Variants in ASDURF observed in about 807,000 individuals in gnomAD.
ASDURF encodes the protein ASNSD1 upstream open reading frame, also known as ASDURF protein.
ASDURF carries 3 observed loss-of-function variants against 3.3 expected under a neutral mutation model. The ratio of observed to expected loss-of-function variants is 0.92; its 90% CI spans 0.42 to 2.37. The LOEUF is 2.37. Ranked by LOEUF, ASDURF falls within the 30% of genes most tolerant of loss-of-function variation. ASDURF has a pLI of 0.05. For synonymous variants in ASDURF, 11 were observed against 8.3 expected (o/e 1.32, Z -0.55); for missense variants, 23 against 25.4 (o/e 0.90, Z 0.21).
chr2:189,665,478 T>C (rs1446457594), intron 3 of ASDURF, 27 bp downstream of exon 3: 13 of 396,006 alleles, frequency 3.3e-5, no homozygotes, highest in Non-Finnish European at 4.4e-5. Flanking sequence ...TTGGGGTTTT[T>C]GGGGGGTGCC....
At chr2:189,662,911 T>C (rs1351620901) in intron 1 of ASDURF, among the ~76,000 whole-genome samples, 2 of 135,104 alleles carry the variant, frequency 1.5e-5, no homozygotes, top group African/African-American at 5.7e-5. Context: ...ATCGCACCAC[T>C]GCACTCCAGC....
At chr2:189,662,663 G>A (rs1204045241) in intron 1 of ASDURF, among the ~76,000 whole-genome samples, 1 of 152,098 alleles carries the variant, frequency 6.6e-6, no homozygotes, top group African/African-American at 2.4e-5. Context: ...GTGTGTGTGA[G>A]GTAGCACAAA....
At chr2:189,665,595 T>C (rs2032769513) in intron 3 of ASDURF, 144 bp downstream of exon 3, 2 of 10,396 alleles carry the variant, frequency 1.9e-4, no homozygotes, top group African/African-American at 2.7e-4. Context: ...TATATATATA[T>C]GTGTATATAT....
intron 2 of ASDURF, 69 bp downstream of exon 2, chr2:189,664,023 TAAG>T (rs2032732159): frequency 2.7e-6 from 1 of 365,472 alleles, no homozygotes; most frequent in African/African-American, 2.1e-5. Context: ...ATTAAAGTTA[TAAG>T]AAGTATATAT....
At chr2:189,665,006 A>G (rs1053473421) in intron 2 of ASDURF, among the ~76,000 whole-genome samples, 7 of 152,314 alleles carry the variant, frequency 4.6e-5, no homozygotes, top group Middle Eastern at 3.4e-3. Context: ...AAACTGTAAT[A>G]TATTATATCT....
rs990000625 is a variant in ASDURF at position 189,663,960 on chromosome 2, T to C, written c.144+6T>C. The stretch of plus-strand genomic sequence containing the variant: ...CTAACCTTAAGAAGAATAGGGTGAG[T>C]TATTATAGGAATTCTGAATAATATG... On this transcript the variant is annotated splice_donor_region_variant and intron_variant, in intron 2 of 3. Transcript: ENST00000607829. 7.7e-6 allele frequency: 3 copies of C among 387,732 alleles called. No individual in the cohort carries two copies. In the East Asian group the frequency reaches 1.1e-4, roughly 14 times the overall value. 24.0% of individuals were successfully genotyped at this position (387,732 alleles called of 1,614,324 possible). A position where few individuals can be genotyped will look rare whatever the true frequency, so the allele number is the denominator to read the frequency against.
intron 3 of ASDURF, 145 bp downstream of exon 3, chr2:189,665,596 G>GTATATACATATATATATA (rs71023704): frequency 1.8e-5 from 2 of 111,486 alleles, no homozygotes; most frequent in African/African-American, 7.9e-5. Context: ...ATATATATAT[G>GTATATACATATATATATA]TGTATATATA....
rs1559033040 is a variant in ASDURF at position 189,661,572 on chromosome 2, G to A, written c.52G>A (p.Asp18Asn). The change falls in exon 1 of 4, where the codon GAC (aspartate) becomes AAC (asparagine). Residue 18 changes from aspartate to asparagine, a missense_variant. Asp to Asn is a conservative substitution (Grantham distance 23). Coordinates refer to ENST00000607829, the MANE Select transcript of ASDURF (RefSeq NM_001353493.2). ...GGACAGCTCTGTGCTGATCCCCACC[G>A]ACAATTCGACCCCACACAAGGAGGA... is the stretch of plus-strand genomic sequence containing the variant. The part of the protein sequence containing the change: ...PEDSSVLIPT[D>N]NSTPHKEDLS... 2.5e-6 allele frequency: 1 copy of A among 399,236 alleles called. No homozygotes were observed. Among genetic ancestry groups the A allele is most frequent in the East Asian group, 3.6e-5 (1 of 28,066 alleles). The allele number at this position is 399,236 out of a possible 1,614,324, so 24.7% of individuals were successfully genotyped here.
In ASDURF at chr2:189,666,270, G is replaced by A; in HGVS notation, c.*159G>A. ...TGTTAAAGTCTGATGTTAACTACCA[G>A]TGTTTATTTTCTGCTCACGTCCTAC... On this transcript the variant is annotated 3_prime_UTR_variant, in exon 4 of 4. Transcript: ENST00000607829. 6.2e-7 allele frequency: 1 copy of A among 1,614,142 alleles called. No homozygotes were observed. The highest frequency in any genetic ancestry group is 8.5e-7 in the Non-Finnish European group (1 of 1,180,016).
intron 2 of ASDURF, among the ~76,000 whole-genome samples, 185 bp downstream of exon 2, chr2:189,664,139 A>G (rs2032734288): frequency 6.6e-6 from 1 of 152,182 alleles, no homozygotes; most frequent in African/African-American, 2.4e-5. Flanking sequence ...ATAGCTGAAG[A>G]TGTCTTTTTT....
chr2:189,664,274 C>T (rs1010990612), intron 2 of ASDURF, among the ~76,000 whole-genome samples: 1 of 152,060 alleles, frequency 6.6e-6, no homozygotes, highest in African/African-American at 2.4e-5. Context: ...TATAAACGAA[C>T]TTTATATTGA....
chr2:189,662,139 C>G (rs1301618681), intron 1 of ASDURF, among the ~76,000 whole-genome samples: 1 of 152,248 alleles, frequency 6.6e-6, no homozygotes, highest in Non-Finnish European at 1.5e-5. Flanking sequence ...CCTCATCCAC[C>G]TGTTAGCTGC....
intron 1 of ASDURF, among the ~76,000 whole-genome samples, chr2:189,663,158 CT>C (rs1041047699): frequency 1.3e-5 from 2 of 151,406 alleles, no homozygotes; most frequent in Non-Finnish European, 2.9e-5. Flanking sequence ...ATTCAATTTG[CT>C]TTTTTTTAAA....
At chr2:189,666,014 A>T in intron 3 of ASDURF, 27 bp from the exon 4 acceptor site, 2 of 1,137,472 alleles carry the variant, frequency 1.8e-6, no homozygotes, top group Non-Finnish European at 2.4e-6. Flanking sequence ...TATGTTATTT[A>T]ATATTTATTC....
At chr2:189,665,290 C>A (rs1274553722) in intron 2 of ASDURF, 86 bp from the exon 3 acceptor site, 2 of 375,578 alleles carry the variant, frequency 5.3e-6, no homozygotes, top group Middle Eastern at 6.7e-4. Context: ...AATAGATTTT[C>A]AAGAATTAGT....
At chr2:189,663,246 A>AATTATTTATTTATTT (rs1409941294) in intron 1 of ASDURF, among the ~76,000 whole-genome samples, 1 of 151,418 alleles carries the variant, frequency 6.6e-6, no homozygotes, top group Non-Finnish European at 1.5e-5. Flanking sequence ...TATATTTTTT[A>AATTATTTATTTATTT]AATTATTTAT....
At chr2:189,665,608 A>G (rs901044389) in intron 3 of ASDURF, among the ~76,000 whole-genome samples, 157 bp downstream of exon 3, 1,764 of 13,320 alleles carry the variant, frequency 0.13, 82 homozygotes, top group East Asian at 0.25. Flanking sequence ...GTATATATAT[A>G]TATATATATA....
Position 189,665,364 on chromosome 2 carries a change from T to C in ASDURF, c.145-12T>C. The C allele has an allele frequency of 5.0e-6, 2 of 396,752 alleles. No homozygotes were observed. Among genetic ancestry groups the C allele is most frequent in the Non-Finnish European group, 8.9e-6 (2 of 224,850 alleles). 24.6% of individuals were successfully genotyped at this position (396,752 alleles called of 1,614,324 possible). ...ATCAAAATTTGATATTAGCCTAAAT[T>C]ATGTTTTCCAGAAAGTATATAGGCA... On this transcript the variant is annotated splice_polypyrimidine_tract_variant and intron_variant, in intron 2 of 3. Transcript: ENST00000607829.
rs115637978 is a variant in ASDURF, at chr2:189,665,179, G to A, written c.145-197G>A. On this transcript the variant is annotated intron_variant, in intron 2 of 3. Transcript: ENST00000607829. ...AGAACCTTTTTTGTTAAAATGGAGA[G>A]AAAATAGTTTCATTTCAGTAGTAGC... Among the ~76,000 whole-genome samples the A allele has an allele frequency of 9.8e-3, 1,496 of 152,236 alleles. 26 individuals carry two copies. The highest frequency in any genetic ancestry group is 0.035 in the African/African-American group (1,451 of 41,534).
Sources: gnomAD v4.1 joint callset for allele counts (sites outside exome capture counted in the v4.1 genomes callset) on GRCh38, gnomAD v4.1.1 for gene constraint, MANE v1.5 for transcripts, NCBI Gene and HGNC (gene_info 2026-07-23, HGNC 2026-07-21) for gene names.